Variants in CENPI observed in about 807,000 individuals in gnomAD.
CENPI encodes the protein FSH primary response 1.
In CENPI, 4 loss-of-function variants were observed where a neutral mutation model predicts 60.4. The observed-to-expected ratio is 0.07, with a 90% CI of 0.03 to 0.15. CENPI has a LOEUF of 0.15. Ranked by LOEUF, CENPI falls within the 10% of genes least tolerant of loss-of-function variation. CENPI has a pLI of 1.00. For synonymous variants in CENPI, 157 were observed against 189.4 expected (o/e 0.83, Z 1.40); for missense variants, 444 against 534.5 (o/e 0.83, Z 1.67).
intron 19 of CENPI, 65 bp from the exon 20 acceptor site, chrX:101,147,878 T>A: frequency 2.6e-6 from 3 of 1,154,598 alleles, no homozygotes; most frequent in Non-Finnish European, 3.6e-6. Context: ...ATATATGACC[T>A]GATGGGAGTA....
intron 4 of CENPI, among the ~76,000 whole-genome samples, chrX:101,104,043 G>T (rs1237130263): frequency 1.8e-5 from 2 of 108,945 alleles, no homozygotes; most frequent in Admixed American, 9.9e-5. Context: ...GCATGATCTC[G>T]GCTCACTGCA....
At chrX:101,142,593 C>A (rs752833456) in intron 16 of CENPI, among the ~76,000 whole-genome samples, 2 of 110,706 alleles carry the variant, frequency 1.8e-5, no homozygotes, top group African/African-American at 3.3e-5. Context: ...GAGGTTGCAA[C>A]CATCATTTAG....
At chrX:101,118,919 A>G (rs1419391465) in intron 6 of CENPI, among the ~76,000 whole-genome samples, 12 of 111,611 alleles carry the variant, frequency 1.1e-4, no homozygotes, top group Admixed American at 4.8e-4. Flanking sequence ...GGTGGCGCAC[A>G]CCTGTAATCC....
intron 9 of CENPI, 139 bp from the exon 10 acceptor site, chrX:101,126,999 G>GA (rs994202303): frequency 8.6e-4 from 503 of 582,459 alleles, no homozygotes; most frequent in Middle Eastern, 1.7e-3. Context: ...TTACTAATCA[G>GA]AAAAAAAAAT....
chrX:101,115,418 A>G (rs1011563309), intron 6 of CENPI, among the ~76,000 whole-genome samples: 2 of 111,168 alleles, frequency 1.8e-5, no homozygotes, highest in African/African-American at 6.5e-5. Flanking sequence ...AAAAAAAAGA[A>G]CAAAGACAAA....
At chrX:101,156,653 T>C (rs1351696041) in intron 20 of CENPI, among the ~76,000 whole-genome samples, 1 of 109,719 alleles carries the variant, frequency 9.1e-6, no homozygotes, top group Non-Finnish European at 1.9e-5. Context: ...CTCACCCCCT[T>C]CCCACCCTTT....
downstream of CENPI, among the ~76,000 whole-genome samples, chrX:101,170,792 C>A (rs1424539685): frequency 9.0e-6 from 1 of 110,684 alleles, no homozygotes; most frequent in Non-Finnish European, 1.9e-5. Context: ...TCATCATGCC[C>A]AGCTTATTTT....
chrX:101,131,207 T>C (rs2089792798), intron 13 of CENPI, among the ~76,000 whole-genome samples: 1 of 111,002 alleles, frequency 9.0e-6, no homozygotes, highest in African/African-American at 3.3e-5. Flanking sequence ...AACGGGGATT[T>C]ACCACGTTGC....
rs1251121644 is a variant in CENPI, at chrX:101,162,854, T to A, written c.2158T>A (p.Leu720Met). 8 of 1,210,767 alleles carry A rather than the reference T, an allele frequency of 6.6e-6. No homozygotes were observed. The highest frequency in any genetic ancestry group is 8.9e-6 in the Non-Finnish European group (8 of 894,713). The part of the protein sequence containing the change: ...SIRGKKWSWY[L>M]DYLFSQGLQG... The stretch of plus-strand genomic sequence containing the variant: ...GCAGGGAAAGAAATGGAGCTGGTAT[T>A]TGGACTATTTATTTTCACAGGGGTT... Residue 720 changes from leucine (L) to methionine (M), a missense_variant, in exon 22 of 22, where the codon TTG (leucine) becomes ATG (methionine). By Grantham distance (15) the Leu-to-Met change is conservative. Coordinates refer to ENST00000682095, the MANE Select transcript of CENPI (RefSeq NM_001386188.2).
chrX:101,146,726 C>G lies in CENPI; in HGVS notation c.1826+449C>G, dbSNP rs183437442. On this transcript the variant is annotated intron_variant, in intron 18 of 21. Coordinates refer to ENST00000682095, the MANE Select transcript of CENPI (RefSeq NM_001386188.2). ...TTCACTTGTGGACTGAAATTACTTT[C>G]TTCAGTCCATAAGCGTAGACTTTTT... Among the ~76,000 whole-genome samples the G allele has an allele frequency of 8.9e-4, 99 of 111,464 alleles. 1 individual carries two copies. The highest frequency in any genetic ancestry group is 3.1e-3 in the African/African-American group (95 of 30,721).
In CENPI at chrX:101,163,211, C is replaced by T; in HGVS notation, c.*244C>T. The T allele has an allele frequency of 3.3e-6, 1 of 304,778 alleles. No homozygotes were observed. 25.1% of individuals were successfully genotyped at this position (304,778 alleles called of 1,213,427 possible). A position where few individuals can be genotyped will look rare whatever the true frequency, so the allele number is the denominator to read the frequency against. On this transcript the variant is annotated 3_prime_UTR_variant, in exon 22 of 22. Transcript: ENST00000682095. ...CTTCATCATCAGGCTCTGCGTTCTACCAAATTGTATGTAAAAAGACACATC... is the reference window on the plus strand; with the variant it reads ...CTTCATCATCAGGCTCTGCGTTCTATCAAATTGTATGTAAAAAGACACATC...
intron 20 of CENPI, among the ~76,000 whole-genome samples, chrX:101,149,676 T>G (rs953586284): frequency 5.4e-5 from 6 of 110,328 alleles, no homozygotes; most frequent in Non-Finnish European, 1.1e-4. Context: ...CTGGCTAATT[T>G]TTATATTTTT....
intron 6 of CENPI, among the ~76,000 whole-genome samples, chrX:101,115,042 C>T (rs999212474): frequency 6.4e-5 from 7 of 110,029 alleles, no homozygotes; most frequent in Non-Finnish European, 1.3e-4. Context: ...CAGCTCACTG[C>T]AACGTCCACC....
intron 8 of CENPI, among the ~76,000 whole-genome samples, chrX:101,125,495 C>G (rs2089725597): frequency 9.0e-6 from 1 of 111,457 alleles, no homozygotes; most frequent in Admixed American, 9.6e-5. Flanking sequence ...CTCCCAGGTT[C>G]AAGCCATTCT....
chrX:101,101,302 G>T lies in CENPI; in HGVS notation c.226+6G>T. The stretch of plus-strand genomic sequence containing the variant: ...AGTGGGATATTTTGAGAAAGGTAAA[G>T]GTGGATTGTTTTCCTTATGAAACTC... On this transcript the variant is annotated splice_donor_region_variant and intron_variant, in intron 3 of 21. Coordinates refer to ENST00000682095, the MANE Select transcript of CENPI (RefSeq NM_001386188.2). 8.9e-7 allele frequency: 1 copy of T among 1,117,977 alleles called. No homozygotes were observed. The allele number at this position is 1,117,977 out of a possible 1,213,427, so 92.1% of individuals were successfully genotyped here.
At chrX:101,177,485 G>A in the CENPI span, among the ~76,000 whole-genome samples, 1 of 111,616 alleles carries the variant, frequency 9.0e-6, no homozygotes, top group Non-Finnish European at 1.9e-5. Flanking sequence ...CAGGCTGGGT[G>A]GACCTGTCCT....
intron 20 of CENPI, among the ~76,000 whole-genome samples, chrX:101,149,507 CTTTT>C (rs1378131346): frequency 1.1e-5 from 1 of 93,023 alleles, no homozygotes. Context: ...GGTGCTTCTT[CTTTT>C]TTTTTTTTTT....
chrX:101,108,163 C>T (rs2148141269), intron 4 of CENPI, among the ~76,000 whole-genome samples: 1 of 111,464 alleles, frequency 9.0e-6, no homozygotes, highest in South Asian at 3.7e-4. Context: ...CAACCTCCAC[C>T]TTCCAGGCTC....
intron 8 of CENPI, among the ~76,000 whole-genome samples, chrX:101,123,073 T>TA (rs1210241400): frequency 8.9e-6 from 1 of 112,376 alleles, no homozygotes; most frequent in Non-Finnish European, 1.9e-5. Flanking sequence ...TACCCATTTA[T>TA]AAAGATGCAT....
Sources: gnomAD v4.1 joint callset for allele counts (sites outside exome capture counted in the v4.1 genomes callset) on GRCh38, gnomAD v4.1.1 for gene constraint, MANE v1.5 for transcripts, NCBI Gene and HGNC (gene_info 2026-07-23, HGNC 2026-07-21) for gene names.